The following TDRKH variants were observed in gnomAD, a reference collection of about 807,000 sequenced individuals.
The protein encoded by TDRKH is tudor and KH domain containing.
TDRKH carries 28 observed loss-of-function variants against 61.3 expected under a neutral mutation model. The ratio of observed to expected loss-of-function variants is 0.46; its 90% CI spans 0.34 to 0.63. The LOEUF is 0.63. Ranked by LOEUF, TDRKH falls within the 20% of genes least tolerant of loss-of-function variation. TDRKH has a pLI of 0.01. For missense variants in TDRKH, 540 were observed against 683.4 expected, an observed-to-expected ratio of 0.79 and a Z score of 2.34; for synonymous variants, 219 against 244.4, an observed-to-expected ratio of 0.90 and a Z score of 0.97.
Position 151,775,838 on chromosome 1 carries a change from C to A in TDRKH, c.1264G>T (p.Ala422Ser), listed in dbSNP as rs1649110452. Reference protein sequence around the residue: ...LPFQAIECSLARIAPSGDQWE... With the variant: ...LPFQAIECSLSRIAPSGDQWE... ...AATTTACCTGAGGGAGCAATCCGTG[C>A]CAGACTACATTCTATTGCTTGAAAT... Residue 422 changes from alanine (A) to serine (S), a missense_variant, in exon 9 of 13, where the codon GCA becomes TCA. Coordinates refer to ENST00000368824, the MANE Select transcript of TDRKH (RefSeq NM_001083965.2). The A allele has an allele frequency of 6.2e-7, 1 of 1,613,486 alleles. No homozygotes were observed.
At chr1:151,767,320 T>C, downstream of TDRKH, 2 of 1,609,098 alleles carry the variant, frequency 1.2e-6, no homozygotes, top group Non-Finnish European at 1.7e-6. Flanking sequence ...TGTGAGCTAG[T>C]GCTGTGACAG....
At chr1:151,768,162 C>A (rs779344922), downstream of TDRKH, 2 of 1,613,904 alleles carry the variant, frequency 1.2e-6, no homozygotes, top group East Asian at 2.2e-5. Context: ...CCCATTGGCA[C>A]GGCCTTCTCT....
Position 151,782,898 on chromosome 1 carries a change from C to T in TDRKH, c.124+1G>A. The stretch of plus-strand genomic sequence containing the variant: ...CACACACAGTCATAGGGTTCACGTA[C>T]CTCTGCTTTCCCTATACCTGCGGTA... On this transcript the variant is annotated splice_donor_variant, in intron 2 of 12. Transcript: ENST00000368824. LOFTEE classifies it high-confidence loss of function. 6.2e-7 allele frequency: 1 copy of T among 1,603,766 alleles called. No homozygotes were observed.
At chr1:151,766,655 G>A (rs1648367723), downstream of TDRKH, 2 of 1,544,344 alleles carry the variant, frequency 1.3e-6, no homozygotes, top group East Asian at 2.4e-5. Context: ...ATGCCACCAG[G>A]TTGCCTAAAC....
In TDRKH at chr1:151,773,584, G is replaced by A. The variant is rs1338557986; in HGVS notation, c.*868C>T. On this transcript the variant is annotated 3_prime_UTR_variant, in exon 13 of 13. Coordinates refer to ENST00000368824, the MANE Select transcript of TDRKH (RefSeq NM_001083965.2). The stretch of plus-strand genomic sequence containing the variant: ...CCTCTCTCTCCACGGGTGTATATGT[G>A]TGTATACATATAGATATTATACTAG... 1 of 152,516 alleles carries A rather than the reference G, an allele frequency of 6.6e-6. No homozygotes were observed. The highest frequency in any genetic ancestry group is 2.4e-5 in the African/African-American group (1 of 41,406). 9.4% of individuals were successfully genotyped at this position (152,516 alleles called of 1,614,324 possible).
At chr1:151,772,033 T>C (rs1189232652), downstream of TDRKH, 3 of 398,204 alleles carry the variant, frequency 7.5e-6, no homozygotes, top group South Asian at 1.3e-4. Context: ...CCTCCAAGAG[T>C]ACCTGAACTA....
downstream of TDRKH, chr1:151,766,792 A>AC (rs1558130898): frequency 6.3e-7 from 1 of 1,588,920 alleles, no homozygotes; most frequent in Non-Finnish European, 8.6e-7. Flanking sequence ...ACACGTAACT[A>AC]CCTCTACCCG....
At chr1:151,768,863 T>G (rs1452339383), downstream of TDRKH, among the ~76,000 whole-genome samples, 1 of 152,186 alleles carries the variant, frequency 6.6e-6, no homozygotes, top group African/African-American at 2.4e-5. Flanking sequence ...GGAGTGGTGA[T>G]GACTCTTAAC....
downstream of TDRKH, chr1:151,768,163 G>A (rs746785548): frequency 2.4e-5 from 39 of 1,613,846 alleles, 1 homozygote; most frequent in East Asian, 4.0e-4. Flanking sequence ...CCATTGGCAC[G>A]GCCTTCTCTG....
In TDRKH at chr1:151,775,533, C is replaced by G. The variant is rs1412079096; in HGVS notation, c.1293G>C (p.Trp431Cys). 7 of 1,612,848 alleles carry G rather than the reference C, an allele frequency of 4.3e-6. No individual in the cohort carries two copies. Among genetic ancestry groups the G allele is most frequent in the Non-Finnish European group, 5.1e-6 (6 of 1,179,510 alleles). ...CAAACTCATCCAAAGCTTCCTCTTC[C>G]CACTGGTCACCTGGCAAAAGATTGT... ...LARIAPSGDQWEEEALDEFDR... is the reference protein window; with the variant it reads ...LARIAPSGDQCEEEALDEFDR... The change falls in exon 10 of 13, where the codon TGG (tryptophan) becomes TGC (cysteine). Residue 431 changes from tryptophan to cysteine, a missense_variant. This residue lies in a region of TDRKH where 379 missense variants were observed against 443.8 expected (regional missense o/e 0.85). Coordinates refer to ENST00000368824, the MANE Select transcript of TDRKH (RefSeq NM_001083965.2).
downstream of TDRKH, chr1:151,768,145 A>C: frequency 1.2e-6 from 2 of 1,613,574 alleles, no homozygotes; most frequent in Non-Finnish European, 1.7e-6. Context: ...TACCTCCCAG[A>C]CCTCTGCCCA....
chr1:151,775,103 CTA>C lies in TDRKH; in HGVS notation c.1496_1497del (p.Ile499ArgfsTer27). ...KGYAIELPED[I>X]EENRAVPDML... ...ATGTCTGGGACAGCTCTGTTTTCTT[CTA>C]TGTCTTCAGGAAGCTCAATTGCGTA... On this transcript the variant is annotated frameshift_variant, in exon 11 of 13. Transcript: ENST00000368824. LOFTEE classifies it high-confidence loss of function. The C allele has an allele frequency of 3.1e-6, 5 of 1,614,124 alleles. No individual in the cohort carries two copies. The highest frequency in any genetic ancestry group is 3.4e-6 in the Non-Finnish European group (4 of 1,180,018).
chr1:151,780,821 G>C (rs1004759129), intron 3 of TDRKH, among the ~76,000 whole-genome samples: 8 of 146,104 alleles, frequency 5.5e-5, no homozygotes, highest in Non-Finnish European at 1.2e-4. Context: ...CTGCATTCCA[G>C]CCTGGGTGAC....
chr1:151,777,565 A>C (rs993138010), intron 6 of TDRKH, among the ~76,000 whole-genome samples: 1 of 152,154 alleles, frequency 6.6e-6, no homozygotes, highest in Admixed American at 6.5e-5. Context: ...TATATTTAGA[A>C]AAATATTTAT....
downstream of TDRKH, chr1:151,766,830 T>C (rs369957328): frequency 1.2e-6 from 2 of 1,611,272 alleles, no homozygotes; most frequent in African/African-American, 2.7e-5. Flanking sequence ...CTATTACCTT[T>C]ACTGTTACAA....
chr1:151,778,088 C>T (rs1032289709), intron 6 of TDRKH, among the ~76,000 whole-genome samples: 1 of 152,062 alleles, frequency 6.6e-6, no homozygotes, highest in Non-Finnish European at 1.5e-5. Context: ...GCGAAAGGAG[C>T]TCTCTCTTTC....
At chr1:151,769,212 G>C (rs1034911142), downstream of TDRKH, 1 of 154,238 alleles carries the variant, frequency 6.5e-6, no homozygotes, top group Non-Finnish European at 1.4e-5. Context: ...CCGGGCAGAG[G>C]GGCTCACTTC....
At chr1:151,779,620 T>C (rs1433015304) in intron 4 of TDRKH, 3 of 372,814 alleles carry the variant, frequency 8.0e-6, no homozygotes, top group South Asian at 5.2e-5. Flanking sequence ...GGGGAAAGCA[T>C]AAAAGGTACC....
At chr1:151,772,382 G>C (rs4845556), downstream of TDRKH, among the ~76,000 whole-genome samples, 1 of 151,920 alleles carries the variant, frequency 6.6e-6, no homozygotes, top group East Asian at 1.9e-4. Flanking sequence ...GTGAGCCACC[G>C]GTGCCTGGCT....
Sources: gnomAD v4.1 joint callset for allele counts (sites outside exome capture counted in the v4.1 genomes callset) on GRCh38, gnomAD v4.1.1 for gene constraint, gnomAD v4.1.1 regional missense constraint, MANE v1.5 for transcripts, NCBI Gene and HGNC (gene_info 2026-07-23, HGNC 2026-07-21) for gene names.